The following BLTP1 variants were observed in gnomAD, a reference collection of about 807,000 sequenced individuals.
BLTP1 encodes the protein bridge-like lipid transfer protein family member 1.
chr4:122,361,272 T>C, the BLTP1 span, among the ~76,000 whole-genome samples: 2 of 152,170 alleles, frequency 1.3e-5, no homozygotes, highest in African/African-American at 2.4e-5. Flanking sequence ...AATAGCTTTC[T>C]ACAAAGTTCG....
At chr4:122,287,110 T>C in the BLTP1 span, among the ~76,000 whole-genome samples, 2 of 152,218 alleles carry the variant, frequency 1.3e-5, no homozygotes, top group Non-Finnish European at 2.9e-5. Context: ...TTTACACGCA[T>C]TGACTTCTGC....
chr4:122,204,692 G>T, the BLTP1 span: 3 of 548,040 alleles, frequency 5.5e-6, no homozygotes, highest in Non-Finnish European at 7.0e-6. Flanking sequence ...AAATCAGTCT[G>T]ATGAATGATG....
At chr4:122,294,966 G>A in the BLTP1 span, among the ~76,000 whole-genome samples, 1 of 152,138 alleles carries the variant, frequency 6.6e-6, no homozygotes, top group African/African-American at 2.4e-5. Flanking sequence ...ACTTCACAAT[G>A]CACTCACAAG....
chr4:122,331,444 G>T, the BLTP1 span: 2 of 1,612,004 alleles, frequency 1.2e-6, no homozygotes, highest in South Asian at 2.2e-5. Flanking sequence ...GAGAAATATT[G>T]ACTTTGAACT....
At chr4:122,349,018 A>G in the BLTP1 span, 1 of 695,282 alleles carries the variant, frequency 1.4e-6, no homozygotes, top group Non-Finnish European at 2.2e-6. This position sits in a 1 kb window ranked among gnomAD's most constrained non-coding sequence, Gnocchi z 4.5. Context: ...TTTACCACAC[A>G]GTTTTTATAT....
At chr4:122,257,866 A>G in the BLTP1 span, among the ~76,000 whole-genome samples, 5 of 152,224 alleles carry the variant, frequency 3.3e-5, no homozygotes, top group African/African-American at 1.2e-4. Flanking sequence ...TTTGTGAAAT[A>G]CAGTAGACTT....
the BLTP1 span, chr4:122,189,274 T>C: frequency 1.0e-6 from 1 of 965,810 alleles, no homozygotes; most frequent in Non-Finnish European, 1.2e-6. Flanking sequence ...CATCTAATGA[T>C]TGAGAAGTTA....
chr4:122,271,377 C>T, the BLTP1 span: 1 of 1,613,864 alleles, frequency 6.2e-7, no homozygotes, highest in Non-Finnish European at 8.5e-7. Context: ...GACTTTCGTT[C>T]ATCTGACTTT....
the BLTP1 span, among the ~76,000 whole-genome samples, chr4:122,213,072 A>G: frequency 1.3e-5 from 2 of 152,152 alleles, no homozygotes; most frequent in Non-Finnish European, 2.9e-5. Flanking sequence ...TTGCTTTGTC[A>G]TTCAGGTTGG....
At chr4:122,240,950 G>A in the BLTP1 span, among the ~76,000 whole-genome samples, 1 of 152,140 alleles carries the variant, frequency 6.6e-6, no homozygotes, top group African/African-American at 2.4e-5. Flanking sequence ...TTATTATACA[G>A]TATTGTGAAC....
chr4:122,217,684 A>T, the BLTP1 span, among the ~76,000 whole-genome samples: 2 of 151,750 alleles, frequency 1.3e-5, no homozygotes, highest in African/African-American at 4.8e-5. Context: ...TTCCTTTTTT[A>T]AATGTCTTTT....
chr4:122,317,225 G>A, the BLTP1 span, among the ~76,000 whole-genome samples: 12 of 151,946 alleles, frequency 7.9e-5, no homozygotes, highest in African/African-American at 2.7e-4. Flanking sequence ...CCTGCTACTC[G>A]GGAGGCTGAG....
chr4:122,254,190 T>C, the BLTP1 span: 9 of 1,612,514 alleles, frequency 5.6e-6, no homozygotes, highest in Non-Finnish European at 6.8e-6. Flanking sequence ...TTCTATTTTA[T>C]ATAGGATGAA....
chr4:122,270,621 G>A, the BLTP1 span, among the ~76,000 whole-genome samples: 2 of 146,124 alleles, frequency 1.4e-5, no homozygotes, highest in African/African-American at 5.1e-5. Flanking sequence ...TGTTAAATAT[G>A]AATATATTAG....
At chr4:122,169,376 G>A in the BLTP1 span, among the ~76,000 whole-genome samples, 1 of 152,068 alleles carries the variant, frequency 6.6e-6, no homozygotes, top group African/African-American at 2.4e-5. Context: ...ATTCTTTACT[G>A]CAGAAAAAAT....
chr4:122,305,113 A>C, the BLTP1 span: 42 of 1,279,090 alleles, frequency 3.3e-5, no homozygotes, highest in Non-Finnish European at 4.1e-5. Context: ...TTCTGATTAT[A>C]AATTCAGTGA....
chr4:122,263,651 C>A, the BLTP1 span: 1 of 1,133,332 alleles, frequency 8.8e-7, no homozygotes, highest in Non-Finnish European at 1.3e-6. Flanking sequence ...GGAACATATA[C>A]CAAAATCTTA....
chr4:122,238,645 C>A, the BLTP1 span, among the ~76,000 whole-genome samples: 1 of 152,188 alleles, frequency 6.6e-6, no homozygotes, highest in African/African-American at 2.4e-5. Flanking sequence ...TCCTTCTAGT[C>A]TAATGGATAC....
the BLTP1 span, chr4:122,229,358 A>G: frequency 4.0e-6 from 3 of 751,674 alleles, no homozygotes; most frequent in African/African-American, 5.5e-5. Flanking sequence ...ACAAAATTTT[A>G]GGAGAAAACT....
Sources: allele counts gnomAD v4.1 joint callset (sites outside exome capture counted in the v4.1 genomes callset), GRCh38; gene constraint gnomAD v4.1.1; non-coding constraint Gnocchi (gnomAD v3.1); transcripts MANE v1.5; gene names NCBI Gene and HGNC (gene_info 2026-07-23, HGNC 2026-07-21).